FANCL: variants seen among roughly 807,000 people sequenced by gnomAD.
FANCL encodes FA complementation group L, also known as E3 ubiquitin-protein ligase FANCL.
A neutral mutation model predicts 59.4 loss-of-function variants in FANCL; 69 were observed. The observed-to-expected ratio is 1.16, with a 90% confidence interval of 0.96 to 1.42. The LOEUF (loss-of-function observed/expected upper bound fraction) is 1.42. Among genes scored for constraint, FANCL ranks in the 40% most tolerant of loss-of-function variants. The pLI is 0.00. For missense variants in FANCL, 519 were observed against 447.2 expected (o/e 1.16, Z -1.45); for synonymous variants, 180 against 147.1 (o/e 1.22, Z -1.62).
intron 1 of FANCL, among the ~76,000 whole-genome samples, chr2:58,235,438 T>C (rs1383920530): frequency 6.6e-6 from 1 of 152,146 alleles, no homozygotes; most frequent in East Asian, 1.9e-4. Flanking sequence ...CTAACTACCT[T>C]AGACTAAAGT....
At chr2:58,160,027 T>C (rs1684875112) in intron 13 of FANCL, 81 bp downstream of exon 13, 3 of 1,594,516 alleles carry the variant, frequency 1.9e-6, no homozygotes, top group Non-Finnish European at 2.6e-6. Context: ...GATAAACTGA[T>C]ATACTATATA....
chr2:58,184,117 A>G (rs1482540489), intron 7 of FANCL, among the ~76,000 whole-genome samples: 1 of 152,034 alleles, frequency 6.6e-6, no homozygotes, highest in Non-Finnish European at 1.5e-5. Flanking sequence ...CAAGATGCCA[A>G]TTATTACAAT....
At chr2:58,198,265 C>T (rs1358877251) in intron 7 of FANCL, among the ~76,000 whole-genome samples, 3 of 151,982 alleles carry the variant, frequency 2.0e-5, no homozygotes, top group Admixed American at 2.0e-4. Context: ...TACAGTTGGC[C>T]CTACCCACGG....
intron 6 of FANCL, among the ~76,000 whole-genome samples, chr2:58,203,813 G>A (rs1690299362): frequency 6.6e-6 from 1 of 151,978 alleles, no homozygotes; most frequent in South Asian, 2.1e-4. Context: ...TAGTGGAAGT[G>A]TCCACTGTCT....
chr2:58,200,125 TATC>T (rs978920396), intron 6 of FANCL, among the ~76,000 whole-genome samples: 4 of 147,758 alleles, frequency 2.7e-5, no homozygotes, highest in South Asian at 2.1e-4. Context: ...AAGAAAAAAA[TATC>T]ATGCTGAAAT....
At chr2:58,186,676 T>C (rs923840416) in intron 7 of FANCL, among the ~76,000 whole-genome samples, 1 of 152,078 alleles carries the variant, frequency 6.6e-6, no homozygotes, top group African/African-American at 2.4e-5. Flanking sequence ...CACTTACAGG[T>C]GTAGATATGT....
intron 2 of FANCL, among the ~76,000 whole-genome samples, chr2:58,230,245 C>G (rs570957262): frequency 6.6e-6 from 1 of 152,086 alleles, no homozygotes; most frequent in Admixed American, 6.5e-5. Flanking sequence ...TTTGAAAAAG[C>G]ATGTGTAGCA....
At chr2:58,194,384 T>C (rs1573656254) in intron 7 of FANCL, 1 of 447,702 alleles carries the variant, frequency 2.2e-6, no homozygotes, top group South Asian at 1.6e-5. Flanking sequence ...CTGACCTGTA[T>C]GTAAAATTCT....
intron 3 of FANCL, among the ~76,000 whole-genome samples, chr2:58,227,461 G>A (rs958188005): frequency 4.6e-5 from 7 of 152,150 alleles, no homozygotes; most frequent in South Asian, 2.1e-4. Context: ...GAAGGGAGAC[G>A]GTTTTCCCCT....
chr2:58,186,391 C>T (rs975358898), intron 7 of FANCL, among the ~76,000 whole-genome samples: 1 of 152,142 alleles, frequency 6.6e-6, no homozygotes, highest in Non-Finnish European at 1.5e-5. Context: ...GAGATTTCCC[C>T]AGAAGGCAAA....
intron 5 of FANCL, among the ~76,000 whole-genome samples, chr2:58,211,905 A>C (rs848284): frequency 6.6e-6 from 1 of 152,020 alleles, no homozygotes; most frequent in African/African-American, 2.4e-5. Context: ...GGCAAAGCCA[A>C]GCAACTAGTC....
chr2:58,204,197 G>A lies in FANCL; in HGVS notation c.404C>T (p.Thr135Ile), dbSNP rs1308612867. 6.2e-7 allele frequency: 1 copy of A among 1,613,196 alleles called. No individual in the cohort carries two copies. Among genetic ancestry groups the A allele is most frequent in the Non-Finnish European group, 8.5e-7 (1 of 1,179,298 alleles). Residue 135 changes from threonine to isoleucine, a missense_variant, in exon 6 of 14, where the codon ACC (threonine) becomes ATC (isoleucine). By Grantham distance (89) the Thr-to-Ile change is moderately conservative (BLOSUM62 -1). Coordinates refer to ENST00000233741, the MANE Select transcript of FANCL (RefSeq NM_018062.4). ...AGCATCTTCTGCTTTTAACTTGATG[G>A]TACTGAAGCAGGTATCCGCATACAC... Reference protein sequence around the residue: ...KLVYADTCFSTIKLKAEDASG... With the variant: ...KLVYADTCFSIIKLKAEDASG...
chr2:58,171,637 G>C (rs369423797), intron 7 of FANCL, among the ~76,000 whole-genome samples: 4 of 152,158 alleles, frequency 2.6e-5, no homozygotes, highest in African/African-American at 4.8e-5. Flanking sequence ...CAAGATGGCC[G>C]AATAGGAACA....
At chr2:58,210,540 C>A (rs1270078043) in intron 5 of FANCL, among the ~76,000 whole-genome samples, 1 of 152,094 alleles carries the variant, frequency 6.6e-6, no homozygotes, top group Non-Finnish European at 1.5e-5. Context: ...ATTTCAAAAC[C>A]AATCATGCCT....
At chr2:58,232,029 C>G (rs370676351) in intron 2 of FANCL, 25 bp downstream of exon 2, 22 of 1,606,714 alleles carry the variant, frequency 1.4e-5, no homozygotes, top group East Asian at 6.7e-5. Context: ...CAAAAATGCA[C>G]GTTTATAACT....
chr2:58,169,718 T>A (rs1054121498), intron 7 of FANCL, among the ~76,000 whole-genome samples: 7 of 151,892 alleles, frequency 4.6e-5, no homozygotes, highest in Non-Finnish European at 1.0e-4. Flanking sequence ...AATGACCTGA[T>A]GAAGCTGAAA....
intron 7 of FANCL, among the ~76,000 whole-genome samples, chr2:58,197,137 G>T (rs933818386): frequency 1.3e-5 from 2 of 150,192 alleles, no homozygotes; most frequent in African/African-American, 4.9e-5. Context: ...AACTTCCATT[G>T]TGGGGAGATT....
At chr2:58,201,820 C>T (rs1030643696) in intron 6 of FANCL, among the ~76,000 whole-genome samples, 2 of 151,490 alleles carry the variant, frequency 1.3e-5, no homozygotes, top group Non-Finnish European at 3.0e-5. Context: ...TCTTGGAGAT[C>T]GTGAGGGGAA....
chr2:58,178,640 A>T (rs940900875), intron 7 of FANCL, among the ~76,000 whole-genome samples: 1 of 152,178 alleles, frequency 6.6e-6, no homozygotes, highest in Non-Finnish European at 1.5e-5. Flanking sequence ...GAATGGGCAA[A>T]AGCTGGAAGC....
Sources: gnomAD v4.1 joint callset for allele counts (sites outside exome capture counted in the v4.1 genomes callset) on GRCh38, gnomAD v4.1.1 for gene constraint, MANE v1.5 for transcripts, NCBI Gene and HGNC (gene_info 2026-07-23, HGNC 2026-07-21) for gene names.